CLCN5: variants seen among roughly 807,000 people sequenced by gnomAD.
CLCN5 encodes H(+)/Cl(-) exchange transporter 5.
CLCN5 carries 17 observed loss-of-function variants against 54.0 expected under a neutral mutation model. The observed-to-expected ratio is 0.31, with a 90% CI of 0.22 to 0.47. CLCN5 has a LOEUF of 0.47. Among genes scored for constraint, CLCN5 ranks in the 20% least tolerant of loss-of-function variants. The probability of loss-of-function intolerance (pLI) is 1.00; values close to 1 mark genes in which losing one functional copy is unlikely to be tolerated. For synonymous variants in CLCN5, 222 were observed against 233.0 expected, an observed-to-expected ratio of 0.95 and a Z score of 0.43; for missense variants, 448 against 646.7, an observed-to-expected ratio of 0.69 and a Z score of 3.33.
chrX:49,960,759 A>G (rs1927558071), intron 3 of CLCN5, among the ~76,000 whole-genome samples: 1 of 110,661 alleles, frequency 9.0e-6, no homozygotes, highest in African/African-American at 3.3e-5. Context: ...TGTTTTTCTT[A>G]AAGAGCTTTT....
chrX:50,080,226 G>T (rs781802498), intron 7 of CLCN5, among the ~76,000 whole-genome samples: 5 of 111,044 alleles, frequency 4.5e-5, no homozygotes, highest in Non-Finnish European at 9.4e-5. Context: ...AAAAAAGCTG[G>T]GGGGGTGCTC....
intron 3 of CLCN5, among the ~76,000 whole-genome samples, chrX:49,976,817 A>G (rs782608707): frequency 9.0e-6 from 1 of 111,592 alleles, no homozygotes; most frequent in South Asian, 3.8e-4. Flanking sequence ...ATGGCAGCAA[A>G]GATAAACTTG....
chrX:50,088,892 G>GT lies in CLCN5; in HGVS notation c.1744+9dup, dbSNP rs1557194367. Reference sequence around the variant, plus strand: ...GGGCTGCAGCCTGCTTAGGTGAGTAGTGTTTGCATTAATTTCAAGTTGCTA... The same window carrying GT: ...GGGCTGCAGCCTGCTTAGGTGAGTAGTTGTTTGCATTAATTTCAAGTTGCTA... On this transcript the variant is annotated intron_variant, in intron 12 of 14. Coordinates refer to ENST00000376091, the MANE Select transcript of CLCN5 (RefSeq NM_001127898.4). 1 of 1,205,294 alleles carries GT rather than the reference G, an allele frequency of 8.3e-7. No homozygotes were observed. The highest frequency in any genetic ancestry group is 1.1e-6 in the Non-Finnish European group (1 of 890,024).
chrX:49,990,625 A>G (rs1166829107), intron 3 of CLCN5, among the ~76,000 whole-genome samples: 1 of 111,612 alleles, frequency 9.0e-6, no homozygotes, highest in Non-Finnish European at 1.9e-5. Context: ...TTTAGTAGAC[A>G]TGAGATTTCA....
intron 3 of CLCN5, among the ~76,000 whole-genome samples, chrX:50,033,534 G>C (rs1445059059): frequency 9.0e-6 from 1 of 111,540 alleles, no homozygotes; most frequent in East Asian, 2.8e-4. Flanking sequence ...CAAAGAAACG[G>C]AAGAACATTC....
At chrX:50,065,498 A>T (rs1410458397) in intron 4 of CLCN5, among the ~76,000 whole-genome samples, 10 of 95,632 alleles carry the variant, frequency 1.0e-4, no homozygotes, top group Non-Finnish European at 2.1e-4. Context: ...CAATCATGAA[A>T]AAGTCAGGAA....
At chrX:49,999,316 T>G (rs1929685280) in intron 3 of CLCN5, among the ~76,000 whole-genome samples, 1 of 111,380 alleles carries the variant, frequency 9.0e-6, no homozygotes, top group Admixed American at 9.5e-5. Context: ...TTTACAGATG[T>G]GCAAGCTTTC....
At chrX:50,013,752 G>C (rs782618615) in intron 3 of CLCN5, among the ~76,000 whole-genome samples, 6 of 112,464 alleles carry the variant, frequency 5.3e-5, no homozygotes, top group Non-Finnish European at 9.4e-5. Context: ...CTAGGCACAA[G>C]TGCTGTCTTA....
chrX:49,955,788 A>G (rs1224485100), intron 3 of CLCN5, among the ~76,000 whole-genome samples: 2 of 111,440 alleles, frequency 1.8e-5, no homozygotes, highest in African/African-American at 6.5e-5. Flanking sequence ...GAGCTGGGAG[A>G]ACTTGTTAAT....
In CLCN5 at chrX:50,086,819, T is replaced by C. The variant is rs782790503; in HGVS notation, c.1506T>C (p.Ala502=). 20 of 1,211,432 alleles carry C rather than the reference T, an allele frequency of 1.7e-5. No individual in the cohort carries two copies. Among genetic ancestry groups the C allele is most frequent in the Non-Finnish European group, 2.2e-5 (20 of 895,406 alleles). The part of the protein sequence containing the change: ...VGVYSAMWQL[A]LTLILKIVIT... ...TCTACAGTGCAATGTGGCAGCTGGC[T>C]TTAACACTCATACTGAAAATTGTCA... Residue 502 remains alanine (A), a synonymous_variant, in exon 11 of 15, where the codon GCT becomes GCC. Transcript: ENST00000376091.
At chrX:50,033,552 A>T (rs1376876749) in intron 3 of CLCN5, among the ~76,000 whole-genome samples, 2 of 111,741 alleles carry the variant, frequency 1.8e-5, no homozygotes, top group African/African-American at 6.5e-5. Context: ...TTCCATGCCC[A>T]TGGGTAGGAA....
At chrX:49,944,912 A>G (rs1054993462) in intron 3 of CLCN5, among the ~76,000 whole-genome samples, 1 of 111,949 alleles carries the variant, frequency 8.9e-6, no homozygotes, top group African/African-American at 3.2e-5. Flanking sequence ...TTATCATGTG[A>G]TATGTTATCA....
At chrX:50,060,308 C>G (rs1232351436) in intron 4 of CLCN5, among the ~76,000 whole-genome samples, 3 of 110,455 alleles carry the variant, frequency 2.7e-5, no homozygotes, top group Non-Finnish European at 5.7e-5. Flanking sequence ...GCGCACCGTG[C>G]GCGAGCTGAA....
intron 3 of CLCN5, among the ~76,000 whole-genome samples, chrX:49,998,705 C>T (rs1302151265): frequency 9.0e-6 from 1 of 111,356 alleles, no homozygotes; most frequent in Non-Finnish European, 1.9e-5. Flanking sequence ...CTGCTGACTC[C>T]ACCACTCGTC....
At chrX:50,028,459 C>G (rs1207000387) in intron 3 of CLCN5, among the ~76,000 whole-genome samples, 1 of 111,799 alleles carries the variant, frequency 8.9e-6, no homozygotes, top group African/African-American at 3.3e-5. Context: ...TTGAGCTTAT[C>G]CACACTCAGC....
chrX:50,014,084 C>T (rs1204808688), intron 3 of CLCN5, among the ~76,000 whole-genome samples: 1 of 111,473 alleles, frequency 9.0e-6, no homozygotes, highest in Non-Finnish European at 1.9e-5. Flanking sequence ...TCTTTATTCC[C>T]TCCCACAGAC....
intron 4 of CLCN5, among the ~76,000 whole-genome samples, chrX:50,066,895 C>T (rs925917120): frequency 7.4e-5 from 8 of 108,838 alleles, no homozygotes; most frequent in African/African-American, 2.5e-4. Flanking sequence ...TAGTTTTTCA[C>T]GTTTTCCTTT....
At chrX:50,066,703 A>G (rs1557190934) in intron 4 of CLCN5, among the ~76,000 whole-genome samples, 1 of 111,952 alleles carries the variant, frequency 8.9e-6, no homozygotes, top group Non-Finnish European at 1.9e-5. Context: ...TAGTGAATTT[A>G]TTGTCAGGCT....
chrX:50,025,990 T>G (rs1467537126), intron 3 of CLCN5, among the ~76,000 whole-genome samples: 1 of 112,291 alleles, frequency 8.9e-6, no homozygotes, highest in Non-Finnish European at 1.9e-5. Context: ...ATTATAGATC[T>G]TTCTTCTTTA....
Sources: gnomAD v4.1 joint callset for allele counts (sites outside exome capture counted in the v4.1 genomes callset) on GRCh38, gnomAD v4.1.1 for gene constraint, MANE v1.5 for transcripts, NCBI Gene and HGNC (gene_info 2026-07-23, HGNC 2026-07-21) for gene names.